The following DDC variants were observed in gnomAD, a reference collection of about 807,000 sequenced individuals.
DDC encodes the protein aromatic-L-amino-acid decarboxylase.
DDC carries 43 observed loss-of-function variants against 60.0 expected under a neutral mutation model. That is an observed-to-expected ratio of 0.72 (90% confidence interval 0.56 to 0.92). The LOEUF (loss-of-function observed/expected upper bound fraction) is 0.92. Among genes scored for constraint, DDC ranks in the 40% least tolerant of loss-of-function variants. The pLI is 0.00. For synonymous variants in DDC, 232 were observed against 234.6 expected (o/e 0.99, Z 0.10); for missense variants, 573 against 620.2 (o/e 0.92, Z 0.81).
chr7:50,524,079 G>A (rs913392379), intron 6 of DDC, among the ~76,000 whole-genome samples: 2 of 152,184 alleles, frequency 1.3e-5, no homozygotes, highest in South Asian at 2.1e-4. Context: ...CATATTGTAT[G>A]ATTCTATCTG....
At chr7:50,474,202 A>G (rs2042591320) in intron 11 of DDC, among the ~76,000 whole-genome samples, 1 of 152,262 alleles carries the variant, frequency 6.6e-6, no homozygotes, top group South Asian at 2.1e-4. Context: ...ACTAGTAGAG[A>G]TAACTAGTTG....
intron 6 of DDC, among the ~76,000 whole-genome samples, chr7:50,522,289 G>A (rs910463891): frequency 1.3e-5 from 2 of 151,888 alleles, no homozygotes; most frequent in African/African-American, 4.8e-5. Flanking sequence ...ATAAATGTAG[G>A]CATATTTCAC....
At chr7:50,475,863 T>C (rs1037267383) in intron 11 of DDC, among the ~76,000 whole-genome samples, 6 of 152,092 alleles carry the variant, frequency 3.9e-5, no homozygotes, top group Admixed American at 3.9e-4. Context: ...CTAATTTTTG[T>C]ATTTTTAGCA....
chr7:50,548,616 G>A (rs546479228), intron 1 of DDC, among the ~76,000 whole-genome samples: 2 of 152,276 alleles, frequency 1.3e-5, no homozygotes, highest in East Asian at 1.9e-4. Context: ...CCTGAAGTTA[G>A]CAGAGTTTTG....
intron 1 of DDC, among the ~76,000 whole-genome samples, chr7:50,550,949 A>G (rs2044973632): frequency 6.6e-6 from 1 of 152,248 alleles, no homozygotes; most frequent in Non-Finnish European, 1.5e-5. Flanking sequence ...TTAGCACTCA[A>G]TAAATGTCAG....
chr7:50,476,362 G>C lies in DDC; in HGVS notation c.1041+262C>G, dbSNP rs530714128. 8.5e-4 allele frequency among the ~76,000 whole-genome samples: 130 copies of C among 152,312 alleles called. 1 individual carries two copies. Among genetic ancestry groups the C allele is most frequent in the Non-Finnish European group, 7.3e-5 (5 of 68,030 alleles). ...GCCTTTTCCTTCCAGAGGAATGAGG[G>C]GCAGAAGCTCCTTTCTCCTCCCCAG... On this transcript the variant is annotated intron_variant, in intron 11 of 14. Coordinates refer to ENST00000444124, the MANE Select transcript of DDC (RefSeq NM_001082971.2).
At chr7:50,462,765 C>CTTTTTT (rs1554411017) in intron 14 of DDC, among the ~76,000 whole-genome samples, 1 of 125,546 alleles carries the variant, frequency 8.0e-6, no homozygotes, top group African/African-American at 3.2e-5. Flanking sequence ...TTCTCTTCTT[C>CTTTTTT]TTGTTTTTTT....
chr7:50,470,489 G>A (rs1463440902), intron 11 of DDC, among the ~76,000 whole-genome samples: 1 of 152,248 alleles, frequency 6.6e-6, no homozygotes, highest in Admixed American at 6.5e-5. Context: ...GGGTTCCGTG[G>A]TGAGCAAACA....
intron 14 of DDC, among the ~76,000 whole-genome samples, chr7:50,459,309 A>C (rs1384085804): frequency 6.6e-6 from 1 of 151,778 alleles, no homozygotes; most frequent in Non-Finnish European, 1.5e-5. Context: ...GCTCGCTACA[A>C]CCTCCACCTC....
chr7:50,466,084 T>C (rs1043295518), intron 13 of DDC, among the ~76,000 whole-genome samples: 1 of 152,246 alleles, frequency 6.6e-6, no homozygotes, highest in Non-Finnish European at 1.5e-5. Flanking sequence ...TGCCACACTC[T>C]GACTGGCAGC....
In DDC at chr7:50,528,173, C is replaced by T; in HGVS notation, c.678G>A (p.Leu226=). 2 of 1,613,726 alleles carry T rather than the reference C, an allele frequency of 1.2e-6. No individual in the cohort carries two copies. The highest frequency in any genetic ancestry group is 1.1e-5 in the South Asian group (1 of 91,056). Residue 226 remains leucine, a synonymous_variant, in exon 6 of 15, where the codon CTG becomes CTA. Transcript: ENST00000444124. ...AMRASALQEA[L]ERDKAAGLIP... is the part of the protein sequence containing the mutation. ...TCAGGCCAGCCGCTTTGTCTCTCTC[C>T]AGGGCTTCCTGCAGGGCAGACGCAC...
chr7:50,488,377 C>T (rs1262783444), intron 9 of DDC, among the ~76,000 whole-genome samples: 1 of 151,428 alleles, frequency 6.6e-6, no homozygotes, highest in Non-Finnish European at 1.5e-5. Flanking sequence ...GTTTCTAAAA[C>T]AAGGTAAAAG....
At position 50,463,576 on chromosome 7, in the gene DDC, C is replaced by T. The variant is rs574414094; in HGVS notation, c.1243-145G>A. ...CATCCCCCTTGCGTTTACGATGTTA[C>T]AAAATTCAACAAAATAATAGTAATG... is the stretch of plus-strand genomic sequence containing the variant. On this transcript the variant is annotated intron_variant, in intron 13 of 14. Transcript: ENST00000444124. 1.4e-5 allele frequency: 10 copies of T among 722,550 alleles called. No individual in the cohort carries two copies. The East Asian group carries it at 1.6e-4, about 12-fold the overall frequency. 44.8% of individuals were successfully genotyped at this position (722,550 alleles called of 1,614,324 possible). A position where few individuals can be genotyped will look rare whatever the true frequency, so the allele number is the denominator to read the frequency against.
At position 50,546,603 on chromosome 7, in the gene DDC, A is replaced by G. The variant is rs191147432; in HGVS notation, c.-28-2490T>C. The stretch of plus-strand genomic sequence containing the variant: ...GATGTTTGGTCAAGGTACTTTGACA[A>G]AGGTAAACCTGCTAGAATGTGCTTT... On this transcript the variant is annotated intron_variant, in intron 1 of 14. Transcript: ENST00000444124. Among the ~76,000 whole-genome samples, 328 of 152,336 alleles carry G rather than the reference A, an allele frequency of 2.2e-3. 1 individual carries two copies. The highest frequency in any genetic ancestry group is 3.3e-3 in the Non-Finnish European group (227 of 68,030).
intron 6 of DDC, among the ~76,000 whole-genome samples, chr7:50,523,793 T>C (rs957496675): frequency 1.3e-5 from 2 of 152,210 alleles, no homozygotes; most frequent in Admixed American, 6.5e-5. Context: ...ACTCTTACCA[T>C]ACGATCCAGC....
intron 1 of DDC, among the ~76,000 whole-genome samples, chr7:50,554,742 T>C (rs1444469348): frequency 2.0e-5 from 3 of 152,180 alleles, no homozygotes; most frequent in Non-Finnish European, 4.4e-5. Flanking sequence ...CCAATTATTC[T>C]ACATGATTGA....
chr7:50,468,186 G>A (rs2042442437), intron 12 of DDC, among the ~76,000 whole-genome samples: 1 of 152,216 alleles, frequency 6.6e-6, no homozygotes, highest in Non-Finnish European at 1.5e-5. Flanking sequence ...CATACGAGTG[G>A]TTCCTCGTCA....
At chr7:50,464,789 C>G (rs1273869417) in intron 13 of DDC, among the ~76,000 whole-genome samples, 1 of 152,130 alleles carries the variant, frequency 6.6e-6, no homozygotes, top group African/African-American at 2.4e-5. Context: ...ATCACTTCTG[C>G]TTTAGTAAAG....
intron 6 of DDC, among the ~76,000 whole-genome samples, chr7:50,526,820 T>C (rs922288387): frequency 6.6e-6 from 1 of 152,198 alleles, no homozygotes; most frequent in Non-Finnish European, 1.5e-5. Flanking sequence ...TATGCAATTA[T>C]AGCAATGTCA....
Sources: allele counts gnomAD v4.1 joint callset (sites outside exome capture counted in the v4.1 genomes callset), GRCh38; gene constraint gnomAD v4.1.1; transcripts MANE v1.5; gene names NCBI Gene and HGNC (gene_info 2026-07-23, HGNC 2026-07-21).